Variants in AP1S3 observed in about 807,000 individuals in gnomAD.
The protein encoded by AP1S3 is adaptor related protein complex 1 subunit sigma 3, also known as AP-1 complex subunit sigma-3.
In AP1S3, 10 loss-of-function variants were observed where a neutral mutation model predicts 20.9. That is an observed-to-expected ratio of 0.48 (90% CI 0.29 to 0.81). AP1S3 has a LOEUF of 0.81. Ranked by LOEUF, AP1S3 falls within the 30% of genes least tolerant of loss-of-function variation. AP1S3 has a pLI of 0.08. For missense variants in AP1S3, 154 were observed against 183.8 expected (o/e 0.84, Z 0.94); for synonymous variants, 41 against 61.5 (o/e 0.67, Z 1.56).
intron 3 of AP1S3, among the ~76,000 whole-genome samples, chr2:223,768,593 G>A (rs1278369269): frequency 2.0e-5 from 3 of 152,176 alleles, no homozygotes; most frequent in South Asian, 2.1e-4. Context: ...GGTGGCTCAC[G>A]TCTGTAATCC....
At chr2:223,787,896 G>A (rs1488798971) in intron 1 of AP1S3, among the ~76,000 whole-genome samples, 1 of 152,134 alleles carries the variant, frequency 6.6e-6, no homozygotes, top group Admixed American at 6.6e-5. Flanking sequence ...CCAAGCAGGG[G>A]CTGCTGACAC....
chr2:223,804,279 C>G (rs1048762877), intron 1 of AP1S3, among the ~76,000 whole-genome samples: 7 of 152,300 alleles, frequency 4.6e-5, no homozygotes, highest in African/African-American at 1.4e-4. Flanking sequence ...TTGCTGCCAA[C>G]CTGGGGATGT....
At chr2:223,778,362 G>A (rs548892346) in intron 1 of AP1S3, among the ~76,000 whole-genome samples, 2 of 152,038 alleles carry the variant, frequency 1.3e-5, no homozygotes, top group Admixed American at 6.5e-5. Context: ...CTGACCTCAG[G>A]TGATCGCCCC....
chr2:223,822,154 C>A lies in AP1S3; in HGVS notation c.3+15294G>T, dbSNP rs534587720. Among the ~76,000 whole-genome samples, 16 of 152,218 alleles carry A rather than the reference C, an allele frequency of 1.1e-4. No individual in the cohort carries two copies. In the South Asian group the frequency reaches 3.1e-3, roughly 30 times the overall value. ...CCTATAATCCCAGCACTTTGGGAGG[C>A]TGAGATTGGAGGACTGCTTGAGCCT... On this transcript the variant is annotated intron_variant, in intron 1 of 4. Transcript: ENST00000396654.
At chr2:223,832,845 A>C (rs1418668093) in intron 1 of AP1S3, among the ~76,000 whole-genome samples, 1 of 139,808 alleles carries the variant, frequency 7.2e-6, no homozygotes, top group South Asian at 2.2e-4. Context: ...GTGTACTCCT[A>C]CTATTTCAAA....
At position 223,831,424 on chromosome 2, in the gene AP1S3, G is replaced by A. The variant is rs564098429; in HGVS notation, c.3+6024C>T. Among the ~76,000 whole-genome samples, 44 of 152,236 alleles carry A rather than the reference G, an allele frequency of 2.9e-4. 2 individuals are homozygous for A. The East Asian group carries it at 7.7e-3, about 27-fold the overall frequency. On this transcript the variant is annotated intron_variant, in intron 1 of 4. Coordinates refer to ENST00000396654, the MANE Select transcript of AP1S3 (RefSeq NM_001039569.2). ...GTTAAGATTACAGGCGTGAGCCACC[G>A]TGCCCGGTCAAGAAATACATTTCCT... is the stretch of plus-strand genomic sequence containing the variant.
At chr2:223,802,614 T>G (rs1691495811) in intron 1 of AP1S3, among the ~76,000 whole-genome samples, 1 of 152,092 alleles carries the variant, frequency 6.6e-6, no homozygotes, top group African/African-American at 2.4e-5. Flanking sequence ...CAAGAGCTCT[T>G]AAACAACTTT....
At chr2:223,774,093 A>T (rs994539365) in intron 3 of AP1S3, among the ~76,000 whole-genome samples, 5 of 152,196 alleles carry the variant, frequency 3.3e-5, no homozygotes, top group African/African-American at 1.2e-4. Flanking sequence ...GGCTGGAGGC[A>T]GTGGCTCATG....
intron 1 of AP1S3, among the ~76,000 whole-genome samples, chr2:223,789,997 C>G (rs1691174570): frequency 1.3e-5 from 2 of 152,056 alleles, no homozygotes; most frequent in Non-Finnish European, 2.9e-5. Flanking sequence ...AAAAGCCCAT[C>G]AAGTGTGCAG....
chr2:223,806,158 G>A (rs929072022), intron 1 of AP1S3, among the ~76,000 whole-genome samples: 2 of 152,018 alleles, frequency 1.3e-5, no homozygotes, highest in Non-Finnish European at 2.9e-5. Context: ...AGATGACCAC[G>A]TTTTCACTGT....
intron 1 of AP1S3, among the ~76,000 whole-genome samples, chr2:223,791,181 C>G (rs996211099): frequency 6.6e-6 from 1 of 152,156 alleles, no homozygotes; most frequent in East Asian, 1.9e-4. Context: ...ATTCATGAGG[C>G]CAGCATCATC....
chr2:223,837,501 AGCGAGG>A lies in AP1S3; in HGVS notation c.-57_-52del. 8.0e-7 allele frequency: 1 copy of A among 1,242,994 alleles called. No homozygotes were observed. The highest frequency in any genetic ancestry group is 1.0e-6 in the Non-Finnish European group (1 of 984,742). 77.0% of individuals were successfully genotyped at this position (1,242,994 alleles called of 1,614,324 possible). On this transcript the variant is annotated 5_prime_UTR_variant, in exon 1 of 5. Transcript: ENST00000396654. ...CCTTGCGAGCAAGGAGCGCTGGAGA[AGCGAGG>A]GCGAGAGGCGAGCGCTGGAGCCGGT...
chr2:223,816,294 T>C (rs1192935588), intron 1 of AP1S3, among the ~76,000 whole-genome samples: 1 of 151,924 alleles, frequency 6.6e-6, no homozygotes, highest in African/African-American at 2.4e-5. Flanking sequence ...TAAACCGCTA[T>C]GACAGATAGT....
In AP1S3 at chr2:223,757,140, C is replaced by T; in HGVS notation, c.*1575G>A. ...GAGTAGCTGGGATTACAGGCACCTG[C>T]CACCATGCCCGGCTAATTTTTTTGT... On this transcript the variant is annotated 3_prime_UTR_variant, in exon 5 of 5. Coordinates refer to ENST00000396654, the MANE Select transcript of AP1S3 (RefSeq NM_001039569.2). The T allele has an allele frequency of 3.0e-6, 1 of 338,366 alleles. No homozygotes were observed. The highest frequency in any genetic ancestry group is 4.2e-6 in the Non-Finnish European group (1 of 237,822). 21.0% of individuals were successfully genotyped at this position (338,366 alleles called of 1,614,324 possible).
In AP1S3 at chr2:223,807,876, T is replaced by C. The variant is rs927581923; in HGVS notation, c.3+29572A>G. ...CTCAGGCATTTCTTTTCTTTTTTTT[T>C]TTTTTTTTTTTTTTTTGGAGACAAG... On this transcript the variant is annotated intron_variant, in intron 1 of 4. Coordinates refer to ENST00000396654, the MANE Select transcript of AP1S3 (RefSeq NM_001039569.2). 4.7e-5 allele frequency among the ~76,000 whole-genome samples: 6 copies of C among 126,942 alleles called. 1 individual carries two copies. Among genetic ancestry groups the C allele is most frequent in the Non-Finnish European group, 1.0e-4 (6 of 59,922 alleles). 83.3% of individuals were successfully genotyped at this position (126,942 alleles called of 152,430 possible). A position where few individuals can be genotyped will look rare whatever the true frequency, so the allele number is the denominator to read the frequency against.
intron 1 of AP1S3, among the ~76,000 whole-genome samples, chr2:223,801,931 C>T (rs543390613): frequency 1.7e-4 from 26 of 152,314 alleles, no homozygotes; most frequent in African/African-American, 6.3e-4. Flanking sequence ...TTACATTTAT[C>T]ACAGAAGTGA....
chr2:223,816,809 AT>A (rs1691854385), intron 1 of AP1S3, among the ~76,000 whole-genome samples: 1 of 152,204 alleles, frequency 6.6e-6, no homozygotes, highest in Admixed American at 6.5e-5. Flanking sequence ...ATGACAGACA[AT>A]CCCCCATAAC....
chr2:223,771,098 G>T lies in AP1S3; in HGVS notation c.291+4803C>A, dbSNP rs569751890. Among the ~76,000 whole-genome samples, 11 of 152,144 alleles carry T rather than the reference G, an allele frequency of 7.2e-5. No homozygotes were observed. The South Asian group carries it at 8.3e-4, about 11-fold the overall frequency. On this transcript the variant is annotated intron_variant, in intron 3 of 4. Coordinates refer to ENST00000396654, the MANE Select transcript of AP1S3 (RefSeq NM_001039569.2). The stretch of plus-strand genomic sequence containing the variant: ...GCCTGTAATCCCAGCACTTTGGGGG[G>T]GCTGAGGCGGGCTGATCATTTGAGG...
intron 1 of AP1S3, among the ~76,000 whole-genome samples, chr2:223,784,650 A>G (rs1691033603): frequency 6.6e-6 from 1 of 152,120 alleles, no homozygotes; most frequent in Non-Finnish European, 1.5e-5. Flanking sequence ...CTCAGCAGTA[A>G]GTGTCAAGAG....
Sources: allele counts gnomAD v4.1 joint callset (sites outside exome capture counted in the v4.1 genomes callset), GRCh38; gene constraint gnomAD v4.1.1; transcripts MANE v1.5; gene names NCBI Gene and HGNC (gene_info 2026-07-23, HGNC 2026-07-21).